Variants in ANKRD30B observed in about 807,000 individuals in gnomAD.
ANKRD30B encodes the protein ankyrin repeat domain 30B, also known as ankyrin repeat domain-containing protein 30B.
ANKRD30B carries 144 observed loss-of-function variants against 202.2 expected under a neutral mutation model. That is an observed-to-expected ratio of 0.71 (90% confidence interval 0.62 to 0.82). ANKRD30B has a LOEUF of 0.82. Ranked by LOEUF, ANKRD30B falls within the 40% of genes least tolerant of loss-of-function variation. The pLI, the probability that ANKRD30B is intolerant of heterozygous loss-of-function variation, is 0.00. For synonymous variants in ANKRD30B, 508 were observed against 561.3 expected (o/e 0.91, Z 1.34); for missense variants, 1,487 against 1,669.1 (o/e 0.89, Z 1.90).
chr18:14,883,261 A>G, the ANKRD30B span, among the ~76,000 whole-genome samples: 2 of 151,672 alleles, frequency 1.3e-5, no homozygotes, highest in South Asian at 4.2e-4. Flanking sequence ...TTAAAATACC[A>G]CTGCATGGGC....
intron 3 of ANKRD30B, among the ~76,000 whole-genome samples, 198 bp from the exon 4 acceptor site, chr18:14,754,701 A>T (rs1024668590): frequency 2.0e-5 from 3 of 152,198 alleles, no homozygotes; most frequent in African/African-American, 7.2e-5. Flanking sequence ...TAATGTGGTG[A>T]TGCAGAGGCT....
the ANKRD30B span, among the ~76,000 whole-genome samples, chr18:14,877,113 C>A: frequency 6.6e-6 from 1 of 152,204 alleles, no homozygotes; most frequent in East Asian, 1.9e-4. Flanking sequence ...CCAGGCAAAA[C>A]CACAGGAGCA....
chr18:14,755,058 A>G (rs1914118071), intron 4 of ANKRD30B, 53 bp downstream of exon 4: 2 of 993,040 alleles, frequency 2.0e-6, no homozygotes, highest in South Asian at 2.5e-5. Flanking sequence ...GTTCTAGAGT[A>G]ATAATGCTCA....
chr18:14,763,436 A>G (rs1567985783), intron 6 of ANKRD30B, among the ~76,000 whole-genome samples: 2 of 152,122 alleles, frequency 1.3e-5, no homozygotes, highest in African/African-American at 4.8e-5. Context: ...AATCCCAGCT[A>G]CTTGGGAGAC....
At chr18:14,899,523 A>G in the ANKRD30B span, among the ~76,000 whole-genome samples, 13 of 152,134 alleles carry the variant, frequency 8.5e-5, no homozygotes, top group African/African-American at 3.1e-4. Context: ...TTATTCTTCT[A>G]TTTGCAAATA....
At chr18:14,876,585 G>A in the ANKRD30B span, among the ~76,000 whole-genome samples, 1 of 152,218 alleles carries the variant, frequency 6.6e-6, no homozygotes, top group Non-Finnish European at 1.5e-5. Context: ...CTTAAGCACA[G>A]CAGGTTGGAT....
the ANKRD30B span, among the ~76,000 whole-genome samples, chr18:14,930,805 C>T: frequency 2.0e-5 from 3 of 152,320 alleles, no homozygotes; most frequent in South Asian, 4.1e-4. Flanking sequence ...CCTCACAGAT[C>T]TCCAGGTAGA....
downstream of ANKRD30B, among the ~76,000 whole-genome samples, chr18:14,855,857 C>T (rs376570297): frequency 5.3e-3 from 658 of 123,842 alleles, 7 homozygotes; most frequent in African/African-American, 0.018. Flanking sequence ...TCCCAGACGT[C>T]GCGGCCAGGC....
chr18:14,849,650 T>C (rs961297892), intron 40 of ANKRD30B, among the ~76,000 whole-genome samples: 1 of 151,612 alleles, frequency 6.6e-6, no homozygotes, highest in African/African-American at 2.4e-5. Context: ...AAATATATAA[T>C]ACTCAACAAG....
chr18:14,837,102 T>C (rs575122582), intron 34 of ANKRD30B, 109 bp from the exon 35 acceptor site: 2 of 664,546 alleles, frequency 3.0e-6, no homozygotes, highest in East Asian at 2.8e-5. Context: ...ATGTTTTTTG[T>C]TGTTGTTGTT....
the ANKRD30B span, among the ~76,000 whole-genome samples, chr18:14,886,194 A>G: frequency 6.6e-6 from 1 of 151,974 alleles, no homozygotes; most frequent in Non-Finnish European, 1.5e-5. Context: ...TTAGCTAATA[A>G]TACTAATGAT....
chr18:14,840,006 G>A (rs975186490), intron 36 of ANKRD30B, among the ~76,000 whole-genome samples: 5 of 152,086 alleles, frequency 3.3e-5, no homozygotes, highest in African/African-American at 9.7e-5. Flanking sequence ...AAATATGCAC[G>A]AGTGAATTTT....
the ANKRD30B span, among the ~76,000 whole-genome samples, chr18:14,868,374 G>A: frequency 6.6e-6 from 1 of 152,300 alleles, no homozygotes; most frequent in Non-Finnish European, 1.5e-5. Flanking sequence ...AGCCAGGTGT[G>A]AGTGGCAGCA....
At position 14,748,635 on chromosome 18, in the gene ANKRD30B, G is replaced by A. The variant is rs1379306031; in HGVS notation, c.216G>A (p.Lys72=). Reference sequence around the variant, plus strand: ...TCAACCTGAACAAAAGAGATATGAAGAAGAGGTACCAGGCCCTGCCTGAGC... The same window carrying A: ...TCAACCTGAACAAAAGAGATATGAAAAAGAGGTACCAGGCCCTGCCTGAGC... ...KPVNLNKRDM[K]KRTALHWACV... is the part of the protein sequence containing the mutation. The change falls in exon 1 of 44, where the codon AAG becomes AAA. Residue 72 remains lysine, a synonymous_variant. Coordinates refer to ENST00000690538, the MANE Select transcript of ANKRD30B (RefSeq NM_001367607.2). 2 of 1,559,548 alleles carry A rather than the reference G, an allele frequency of 1.3e-6. No individual in the cohort carries two copies. The highest frequency in any genetic ancestry group is 2.4e-5 in the South Asian group (2 of 84,216).
intron 34 of ANKRD30B, among the ~76,000 whole-genome samples, chr18:14,834,609 CAG>C (rs1971093014): frequency 6.6e-6 from 1 of 151,822 alleles, no homozygotes; most frequent in Non-Finnish European, 1.5e-5. Flanking sequence ...AAAAAGCTGA[CAG>C]AAAATATAAG....
At chr18:14,914,305 C>T in the ANKRD30B span, among the ~76,000 whole-genome samples, 1 of 152,208 alleles carries the variant, frequency 6.6e-6, no homozygotes, top group Non-Finnish European at 1.5e-5. Flanking sequence ...GAGTAAGTTA[C>T]CTCTGGGAGG....
chr18:14,832,701 T>C (rs527266447), intron 34 of ANKRD30B, among the ~76,000 whole-genome samples: 6 of 152,336 alleles, frequency 3.9e-5, no homozygotes, highest in African/African-American at 7.2e-5. Flanking sequence ...ATATACCTTA[T>C]AATTAAATCT....
chr18:14,760,575 A>T lies in ANKRD30B; in HGVS notation c.777A>T (p.Glu259Asp), dbSNP rs1200540371. Reference protein sequence around the residue: ...GVNYIHQQLLEHIRKLPKNPQ... With the variant: ...GVNYIHQQLLDHIRKLPKNPQ... ...ATAGCATTCATCAACAACTTTTGGA[A>T]CATATACGAAAATTACCTAAAAATC... Residue 259 changes from glutamate (E) to aspartate (D), a missense_variant, in exon 6 of 44, where the codon GAA becomes GAT. Coordinates refer to ENST00000690538, the MANE Select transcript of ANKRD30B (RefSeq NM_001367607.2). 6.6e-7 allele frequency: 1 copy of T among 1,526,504 alleles called. No individual in the cohort carries two copies. The highest frequency in any genetic ancestry group is 8.8e-7 in the Non-Finnish European group (1 of 1,132,206). 94.6% of individuals were successfully genotyped at this position (1,526,504 alleles called of 1,614,324 possible).
intron 37 of ANKRD30B, among the ~76,000 whole-genome samples, chr18:14,842,021 CACTT>C (rs1971439310): frequency 6.6e-6 from 1 of 152,016 alleles, no homozygotes; most frequent in African/African-American, 2.4e-5. Flanking sequence ...ATCTATTAGA[CACTT>C]ACCATAATAA....
Sources: allele counts gnomAD v4.1 joint callset (sites outside exome capture counted in the v4.1 genomes callset), GRCh38; gene constraint gnomAD v4.1.1; transcripts MANE v1.5; gene names NCBI Gene and HGNC (gene_info 2026-07-23, HGNC 2026-07-21).